Variants in IPO11 observed in about 807,000 individuals in gnomAD.
The protein encoded by IPO11 is importin-11.
IPO11 carries 66 observed loss-of-function variants against 143.2 expected under a neutral mutation model. The ratio of observed to expected loss-of-function variants is 0.46; its 90% confidence interval spans 0.38 to 0.57. The LOEUF (loss-of-function observed/expected upper bound fraction) is 0.57. Ranked by LOEUF, IPO11 falls within the 20% of genes least tolerant of loss-of-function variation. The pLI is 0.00. For missense variants in IPO11, 1,026 were observed against 1,141.0 expected (o/e 0.90, Z 1.45); for synonymous variants, 385 against 377.8 (o/e 1.02, Z -0.22).
Position 62,514,490 on chromosome 5 carries a change from G to A in IPO11, c.1783-898G>A, listed in dbSNP as rs910544692. 1.6e-3 allele frequency among the ~76,000 whole-genome samples: 237 copies of A among 151,768 alleles called. 7 individuals carry two copies. The highest frequency in any genetic ancestry group is 5.4e-3 in the African/African-American group (222 of 41,158). ...GCCTGCAATCGCAGGCACTTGGCAG[G>A]CTGAGGCAGGAGAATCAGGCAGGGA... On this transcript the variant is annotated intron_variant, in intron 19 of 29. Coordinates refer to ENST00000325324, the MANE Select transcript of IPO11 (RefSeq NM_016338.5).
chr5:62,623,914 T>C (rs975535400), intron 29 of IPO11, among the ~76,000 whole-genome samples: 3 of 151,438 alleles, frequency 2.0e-5, no homozygotes, highest in East Asian at 2.0e-4. Context: ...TGAGCCACAA[T>C]GCCCGGCCTT....
At chr5:62,435,522 C>G (rs182371679) in intron 1 of IPO11, among the ~76,000 whole-genome samples, 8 of 151,948 alleles carry the variant, frequency 5.3e-5, no homozygotes, top group African/African-American at 1.7e-4. Context: ...CACTTGAGAT[C>G]GCGGCTGCCG....
chr5:62,534,170 A>G (rs1045015200), intron 22 of IPO11, among the ~76,000 whole-genome samples: 1 of 152,172 alleles, frequency 6.6e-6, no homozygotes, highest in Non-Finnish European at 1.5e-5. Flanking sequence ...CTGTAACTGG[A>G]CGTTATTATA....
At chr5:62,493,867 T>C (rs1353487766) in intron 15 of IPO11, 131 bp from the exon 16 acceptor site, 6 of 859,814 alleles carry the variant, frequency 7.0e-6, no homozygotes, top group Non-Finnish European at 1.0e-5. Flanking sequence ...GCACACCTGC[T>C]TTTAAGCTTT....
chr5:62,548,643 TTTC>T (rs1743291387), intron 24 of IPO11, among the ~76,000 whole-genome samples: 1 of 152,156 alleles, frequency 6.6e-6, no homozygotes, highest in South Asian at 2.1e-4. Flanking sequence ...TCTTATTTTC[TTTC>T]TTCTTATTTT....
At chr5:62,430,925 G>A (rs1357050253) in intron 1 of IPO11, among the ~76,000 whole-genome samples, 1 of 151,064 alleles carries the variant, frequency 6.6e-6, no homozygotes, top group Non-Finnish European at 1.5e-5. Flanking sequence ...TGATCCTCCC[G>A]CCTCAGCCTC....
chr5:62,459,702 C>T (rs1222678100), intron 5 of IPO11, among the ~76,000 whole-genome samples: 1 of 152,074 alleles, frequency 6.6e-6, no homozygotes, highest in Admixed American at 6.6e-5. Flanking sequence ...AGGCGTGTGC[C>T]ACCATGCCTG....
At chr5:62,492,642 C>G (rs192775942) in intron 15 of IPO11, among the ~76,000 whole-genome samples, 16 of 152,226 alleles carry the variant, frequency 1.1e-4, no homozygotes, top group Middle Eastern at 3.4e-3. Context: ...TTCCTGGGCT[C>G]AAGTGATCCT....
At chr5:62,536,828 TTTGA>T in intron 23 of IPO11, 47 bp downstream of exon 23, 1 of 1,397,628 alleles carries the variant, frequency 7.2e-7, no homozygotes, top group Non-Finnish European at 9.4e-7. Context: ...TAATTATTAT[TTTGA>T]TTATTATTTG....
intron 5 of IPO11, among the ~76,000 whole-genome samples, chr5:62,464,763 G>A (rs137925217): frequency 2.6e-5 from 4 of 152,268 alleles, no homozygotes; most frequent in Admixed American, 6.5e-5. Context: ...ATGAGCCATC[G>A]CGCCTGGTCT....
chr5:62,432,046 C>CA lies in IPO11; in HGVS notation c.-6-5227dup, dbSNP rs554198042. 2.0e-5 allele frequency among the ~76,000 whole-genome samples: 3 copies of CA among 152,198 alleles called. No homozygotes were observed. In the South Asian group the frequency reaches 6.2e-4, roughly 31 times the overall value. On this transcript the variant is annotated intron_variant, in intron 1 of 29. Transcript: ENST00000325324. ...CCAAGTTTTTCTTCTTAAACCCCTTCACTCAGCCCGAAAAAACTGAAATGG... is the reference window on the plus strand; with the variant it reads ...CCAAGTTTTTCTTCTTAAACCCCTTCAACTCAGCCCGAAAAAACTGAAATGG...
At chr5:62,567,164 C>G (rs1743972980) in intron 27 of IPO11, among the ~76,000 whole-genome samples, 1 of 152,220 alleles carries the variant, frequency 6.6e-6, no homozygotes, top group African/African-American at 2.4e-5. Context: ...ATCTCTCCTG[C>G]ATGTTTGAAG....
intron 19 of IPO11, among the ~76,000 whole-genome samples, chr5:62,508,837 T>C (rs1219351285): frequency 6.6e-6 from 1 of 152,094 alleles, no homozygotes; most frequent in Non-Finnish European, 1.5e-5. Context: ...CTCCCACCTA[T>C]GAGTGAGAAC....
At position 62,415,081 on chromosome 5, in the gene IPO11, T is replaced by C. The variant is rs553189031; in HGVS notation, c.-7+2152T>C. Among the ~76,000 whole-genome samples, 6 of 152,340 alleles carry C rather than the reference T, an allele frequency of 3.9e-5. No homozygotes were observed. The South Asian group carries it at 1.2e-3, about 32-fold the overall frequency. On this transcript the variant is annotated intron_variant, in intron 1 of 29. Coordinates refer to ENST00000325324, the MANE Select transcript of IPO11 (RefSeq NM_016338.5). ...GTGTTCATTCAATAACAAACGTCTA[T>C]TGGGTACTGTACAGGCAGCCTAACA... is the stretch of plus-strand genomic sequence containing the variant.
chr5:62,616,031 A>G (rs1003090552), intron 29 of IPO11, among the ~76,000 whole-genome samples: 7 of 144,364 alleles, frequency 4.8e-5, no homozygotes, highest in African/African-American at 1.8e-4. Flanking sequence ...ACAAGTCATT[A>G]AAAGTGGAAG....
At chr5:62,486,564 C>G (rs889829270) in intron 12 of IPO11, among the ~76,000 whole-genome samples, 1 of 152,036 alleles carries the variant, frequency 6.6e-6, no homozygotes, top group African/African-American at 2.4e-5. Flanking sequence ...TTGCCGTTAC[C>G]AGATGTGATG....
rs546406002 is a variant in IPO11 at position 62,574,069 on chromosome 5, T to G, written c.2582+12812T>G. ...TCTTTCTAACTATAGCTATTTGTTA[T>G]ATAAGTATTATCCTCAAAATACAAA... On this transcript the variant is annotated intron_variant, in intron 27 of 29. Transcript: ENST00000325324. 2.0e-5 allele frequency among the ~76,000 whole-genome samples: 3 copies of G among 152,370 alleles called. No homozygotes were observed. In the East Asian group the frequency reaches 5.8e-4, roughly 29 times the overall value.
intron 1 of IPO11, among the ~76,000 whole-genome samples, chr5:62,414,442 T>C (rs1743221573): frequency 6.6e-6 from 1 of 152,224 alleles, no homozygotes; most frequent in African/African-American, 2.4e-5. Context: ...TTAGTGTTAT[T>C]GATGGTAATA....
At position 62,572,545 on chromosome 5, in the gene IPO11, G is replaced by GTTTATTTATTTATTTA. The variant is rs57028103; in HGVS notation, c.2582+11316_2582+11331dup. ...TCATTGTGTATATGTATATTTGTTT[G>GTTTATTTATTTATTTA]TTTATTTATTTATTTATTTATTTAT... On this transcript the variant is annotated intron_variant, in intron 27 of 29. Coordinates refer to ENST00000325324, the MANE Select transcript of IPO11 (RefSeq NM_016338.5). 4.8e-3 allele frequency among the ~76,000 whole-genome samples: 416 copies of GTTTATTTATTTATTTA among 86,092 alleles called. 5 individuals are homozygous for GTTTATTTATTTATTTA. The highest frequency in any genetic ancestry group is 0.031 in the East Asian group (110 of 3,508). 56.5% of individuals were successfully genotyped at this position (86,092 alleles called of 152,430 possible).
Sources: allele counts gnomAD v4.1 joint callset (sites outside exome capture counted in the v4.1 genomes callset), GRCh38; gene constraint gnomAD v4.1.1; transcripts MANE v1.5; gene names NCBI Gene and HGNC (gene_info 2026-07-23, HGNC 2026-07-21).